SNX30: variants seen among roughly 807,000 people sequenced by gnomAD.
SNX30 encodes sorting nexin family member 30.
Under a neutral mutation model 46.4 loss-of-function variants are expected in SNX30, and 24 were observed. That is an observed-to-expected ratio of 0.52 (90% CI 0.37 to 0.73). The LOEUF is 0.73. SNX30 is among the 30% of genes least tolerant of loss of function. The pLI, the probability that SNX30 is intolerant of heterozygous loss-of-function variation, is 0.00. For synonymous variants in SNX30, 189 were observed against 211.5 expected (o/e 0.89, Z 0.92); for missense variants, 533 against 555.7 (o/e 0.96, Z 0.41).
At chr9:112,776,221 G>T (rs1839745922) in intron 1 of SNX30, among the ~76,000 whole-genome samples, 1 of 151,610 alleles carries the variant, frequency 6.6e-6, no homozygotes, top group African/African-American at 2.4e-5. Flanking sequence ...TCTGAGTTTT[G>T]GTCTGTCCTT....
At chr9:112,818,238 C>G (rs1840434097) in intron 3 of SNX30, among the ~76,000 whole-genome samples, 1 of 134,196 alleles carries the variant, frequency 7.5e-6, no homozygotes, top group African/African-American at 2.8e-5. Flanking sequence ...GTCGCACTCT[C>G]TTGCCCAGGC....
downstream of SNX30, chr9:112,877,776 G>A (rs1041924586): frequency 2.6e-5 from 4 of 152,046 alleles, no homozygotes; most frequent in African/African-American, 4.8e-5. Flanking sequence ...CAGGGGTATA[G>A]TGGCCCAGTC....
chr9:112,869,103 C>T lies in SNX30; in HGVS notation c.*260C>T, dbSNP rs2131518072. 2 of 439,328 alleles carry T rather than the reference C, an allele frequency of 4.6e-6. No individual in the cohort carries two copies. Among genetic ancestry groups the T allele is most frequent in the East Asian group, 7.3e-5 (2 of 27,252 alleles). 27.2% of individuals were successfully genotyped at this position (439,328 alleles called of 1,614,324 possible). ...TTGTGAAGGCATCTGTTCAGTGAAG[C>T]ACTACGAAAATTTGAAACCAAGGGA... is the stretch of plus-strand genomic sequence containing the variant. On this transcript the variant is annotated 3_prime_UTR_variant, in exon 9 of 9. Coordinates refer to ENST00000374232, the MANE Select transcript of SNX30 (RefSeq NM_001012994.2).
intron 1 of SNX30, among the ~76,000 whole-genome samples, chr9:112,774,727 A>C (rs1839710996): frequency 1.3e-5 from 2 of 152,124 alleles, no homozygotes; most frequent in South Asian, 4.1e-4. Flanking sequence ...AGCCTCTTTC[A>C]CATGCAAATT....
chr9:112,884,136 G>A (rs1399629964), downstream of SNX30, among the ~76,000 whole-genome samples: 3 of 152,200 alleles, frequency 2.0e-5, no homozygotes, highest in Non-Finnish European at 2.9e-5. Flanking sequence ...AACAAGAGAG[G>A]GCAAGTTCTT....
intron 1 of SNX30, among the ~76,000 whole-genome samples, chr9:112,757,365 TACAC>T (rs1307932914): frequency 1.3e-5 from 2 of 152,368 alleles, no homozygotes; most frequent in East Asian, 1.9e-4. Context: ...GTTTTGTGTG[TACAC>T]ACACAGTACA....
At chr9:112,806,323 T>C (rs1431259260) in intron 2 of SNX30, among the ~76,000 whole-genome samples, 6 of 152,146 alleles carry the variant, frequency 3.9e-5, no homozygotes, top group African/African-American at 1.4e-4. Flanking sequence ...ATTCACATTA[T>C]CACTTTGTAT....
downstream of SNX30, chr9:112,875,345 A>G (rs1323885388): frequency 6.6e-6 from 1 of 152,224 alleles, no homozygotes; most frequent in African/African-American, 2.4e-5. Flanking sequence ...GCACAACATT[A>G]TATTCTGCAT....
At chr9:112,846,562 G>A (rs920935687) in intron 6 of SNX30, among the ~76,000 whole-genome samples, 1 of 152,214 alleles carries the variant, frequency 6.6e-6, no homozygotes, top group Non-Finnish European at 1.5e-5. Flanking sequence ...CTTCTAGAGG[G>A]CTACCCTAAG....
At chr9:112,755,418 G>A (rs1839332481) in intron 1 of SNX30, among the ~76,000 whole-genome samples, 1 of 152,084 alleles carries the variant, frequency 6.6e-6, no homozygotes, top group African/African-American at 2.4e-5. Flanking sequence ...GGGCAGAGAA[G>A]GGAGGGGTCA....
intron 1 of SNX30, among the ~76,000 whole-genome samples, chr9:112,793,113 A>G (rs913738617): frequency 1.3e-5 from 2 of 152,156 alleles, no homozygotes; most frequent in Non-Finnish European, 2.9e-5. Context: ...ATTTGCCCCC[A>G]TCAGAACAAG....
chr9:112,785,384 T>A (rs1251601830), intron 1 of SNX30, among the ~76,000 whole-genome samples: 2 of 3,050 alleles, frequency 6.6e-4, no homozygotes, highest in Non-Finnish European at 2.1e-3. Flanking sequence ...CCTGGCTAAG[T>A]TTTTTTTTTT....
At chr9:112,822,948 G>C (rs1840527726) in intron 3 of SNX30, among the ~76,000 whole-genome samples, 1 of 152,134 alleles carries the variant, frequency 6.6e-6, no homozygotes, top group Non-Finnish European at 1.5e-5. Flanking sequence ...GAGAGAGAAA[G>C]AGAAAGGCCA....
Position 112,872,086 on chromosome 9 carries a change from G to A in SNX30, c.*3243G>A, listed in dbSNP as rs570645711. The A allele has an allele frequency of 1.4e-4, 21 of 152,164 alleles. No individual in the cohort carries two copies. Among genetic ancestry groups the A allele is most frequent in the Non-Finnish European group, 5.9e-5 (4 of 68,042 alleles). 9.4% of individuals were successfully genotyped at this position (152,164 alleles called of 1,614,324 possible). A position where few individuals can be genotyped will look rare whatever the true frequency, so the allele number is the denominator to read the frequency against. The stretch of plus-strand genomic sequence containing the variant: ...GACCTGGAGATCATGGTGACTGTAA[G>A]CTAAGTCTGTTTTCATGCCAGATTT... On this transcript the variant is annotated 3_prime_UTR_variant, in exon 9 of 9. Coordinates refer to ENST00000374232, the MANE Select transcript of SNX30 (RefSeq NM_001012994.2).
intron 1 of SNX30, among the ~76,000 whole-genome samples, chr9:112,793,636 G>A (rs1840060717): frequency 6.6e-6 from 1 of 152,116 alleles, no homozygotes; most frequent in Non-Finnish European, 1.5e-5. Flanking sequence ...AGTAACTTCG[G>A]TGACATGGGT....
At chr9:112,806,154 C>T (rs927505518) in intron 2 of SNX30, among the ~76,000 whole-genome samples, 1 of 152,104 alleles carries the variant, frequency 6.6e-6, no homozygotes, top group African/African-American at 2.4e-5. Flanking sequence ...ACCCATGAGA[C>T]GGCAGGAGTG....
intron 2 of SNX30, among the ~76,000 whole-genome samples, chr9:112,811,682 C>T (rs1169030877): frequency 1.3e-5 from 2 of 152,184 alleles, no homozygotes; most frequent in Admixed American, 6.5e-5. Context: ...GCTTGGTCAC[C>T]TGTTCTTAGA....
At position 112,755,324 on chromosome 9, in the gene SNX30, G is replaced by C. The variant is rs148576902; in HGVS notation, c.156+4167G>C. 2.5e-3 allele frequency among the ~76,000 whole-genome samples: 377 copies of C among 152,294 alleles called. 4 individuals carry two copies. Among genetic ancestry groups the C allele is most frequent in the African/African-American group, 8.8e-3 (365 of 41,554 alleles). On this transcript the variant is annotated intron_variant, in intron 1 of 8. Transcript: ENST00000374232. ...GGAGGGACTGCCTGAAGCAGAGGCC[G>C]GAAGGCACAGGGCTGGTGTGTCGGG...
chr9:112,853,821 AT>A (rs769792588), intron 7 of SNX30, among the ~76,000 whole-genome samples: 14 of 152,210 alleles, frequency 9.2e-5, no homozygotes, highest in Non-Finnish European at 2.1e-4. Flanking sequence ...CATTAATTCG[AT>A]TGTGATCGTC....
Sources: gnomAD v4.1 joint callset for allele counts (sites outside exome capture counted in the v4.1 genomes callset) on GRCh38, gnomAD v4.1.1 for gene constraint, MANE v1.5 for transcripts, NCBI Gene and HGNC (gene_info 2026-07-23, HGNC 2026-07-21) for gene names.